The following C7orf57 variants were observed in gnomAD, a reference collection of about 807,000 sequenced individuals.
The protein encoded by C7orf57 is uncharacterized protein C7orf57.
A neutral mutation model predicts 39.0 loss-of-function variants in C7orf57; 33 were observed. The ratio of observed to expected loss-of-function variants is 0.85; its 90% CI spans 0.64 to 1.13. The LOEUF is 1.13. C7orf57 is among the 50% of genes most tolerant of loss of function. C7orf57 has a pLI of 0.00. For missense variants in C7orf57, 346 were observed against 362.3 expected, an observed-to-expected ratio of 0.95 and a Z score of 0.37; for synonymous variants, 124 against 137.1, an observed-to-expected ratio of 0.90 and a Z score of 0.67.
intron 4 of C7orf57, 151 bp from the exon 5 acceptor site, chr7:48,046,309 G>T: frequency 1.5e-6 from 1 of 645,440 alleles, no homozygotes; most frequent in East Asian, 2.9e-5. Flanking sequence ...GAGAGGGAGA[G>T]AGAGAGGAGA....
At position 48,049,029 on chromosome 7, in the gene C7orf57, C is replaced by G. The variant is rs548807324; in HGVS notation, c.508-851C>G. On this transcript the variant is annotated intron_variant, in intron 5 of 8. Coordinates refer to ENST00000348904, the MANE Select transcript of C7orf57 (RefSeq NM_001100159.3). ...AAGATGCCAGGCCCGAGTTAACCCC[C>G]CTCCGGGCTGAAAGATGTCTGCACC... Among the ~76,000 whole-genome samples the G allele has an allele frequency of 1.4e-3, 218 of 152,226 alleles. 2 individuals carry two copies. Among genetic ancestry groups the G allele is most frequent in the East Asian group, 2.1e-3 (11 of 5,178 alleles).
At chr7:48,044,748 C>T (rs756301028) in intron 4 of C7orf57, among the ~76,000 whole-genome samples, 1 of 152,122 alleles carries the variant, frequency 6.6e-6, no homozygotes, top group Non-Finnish European at 1.5e-5. Flanking sequence ...TTTCTATGTT[C>T]AATATTGAGA....
rs1251815859 is a variant in C7orf57 at position 48,043,550 on chromosome 7, A to G, written c.311A>G (p.Tyr104Cys). The change falls in exon 4 of 9, where the codon TAT becomes TGT. Residue 104 changes from tyrosine (Y) to cysteine (C), a missense_variant. Physicochemically the swap from Tyr to Cys is radical, Grantham distance 194 (BLOSUM62 -2). Transcript: ENST00000348904. ...GTGGCCTACTCCCTGCCAGACTGGT[A>G]TATCCACCACAGCAAGCCACCGACA... ...SPVAYSLPDW[Y>C]IHHSKPPTAS... 6.2e-7 allele frequency: 1 copy of G among 1,613,960 alleles called. No individual in the cohort carries two copies. The highest frequency in any genetic ancestry group is 8.5e-7 in the Non-Finnish European group (1 of 1,179,874).
At chr7:48,056,144 A>G (rs983690484) in intron 8 of C7orf57, among the ~76,000 whole-genome samples, 2 of 152,106 alleles carry the variant, frequency 1.3e-5, no homozygotes, top group African/African-American at 2.4e-5. Flanking sequence ...CATCTTTTTG[A>G]TAATAGCCAT....
intron 5 of C7orf57, 41 bp from the exon 6 acceptor site, chr7:48,049,839 G>A: frequency 6.7e-7 from 1 of 1,503,000 alleles, no homozygotes; most frequent in Non-Finnish European, 9.2e-7. Flanking sequence ...GCTGTTGAAT[G>A]CTTTCCACTA....
intron 6 of C7orf57, among the ~76,000 whole-genome samples, chr7:48,051,784 T>TTC (rs1389531978): frequency 8.8e-6 from 1 of 113,444 alleles, no homozygotes; most frequent in Admixed American, 8.7e-5. Flanking sequence ...CTTTCTTTCT[T>TTC]TCTTTCTTTC....
In C7orf57 at chr7:48,051,749, C is replaced by CTT. The variant is rs1160761305; in HGVS notation, c.606-948_606-947dup. On this transcript the variant is annotated intron_variant, in intron 6 of 8. Transcript: ENST00000348904. ...TTCTCTTTTTCTTTTCTTTCTTTTT[C>CTT]TTTTCTTTCTTTCTTTCTTTCTTTC... Among the ~76,000 whole-genome samples the CTT allele has an allele frequency of 3.9e-4, 14 of 36,170 alleles. 1 individual carries two copies. Among genetic ancestry groups the CTT allele is most frequent in the African/African-American group, 1.2e-3 (14 of 11,790 alleles). The allele number at this position is 36,170 out of a possible 152,430, so 23.7% of individuals were successfully genotyped here. A position where few individuals can be genotyped will look rare whatever the true frequency, so the allele number is the denominator to read the frequency against.
At chr7:48,046,708 G>A (rs780492915) in intron 5 of C7orf57, 92 bp downstream of exon 5, 50 of 1,393,042 alleles carry the variant, frequency 3.6e-5, no homozygotes, top group East Asian at 3.2e-4. Context: ...TGCTGGTGGC[G>A]TCTTATGTTG....
At chr7:48,056,060 C>T (rs1022008676) in intron 8 of C7orf57, among the ~76,000 whole-genome samples, 2 of 152,078 alleles carry the variant, frequency 1.3e-5, no homozygotes, top group African/African-American at 2.4e-5. Context: ...TCCATTATGG[C>T]TATTCTAATT....
intron 4 of C7orf57, 49 bp downstream of exon 4, chr7:48,043,638 A>G (rs1338757262): frequency 2.1e-6 from 3 of 1,404,802 alleles, no homozygotes; most frequent in Non-Finnish European, 3.0e-6. Context: ...ACAGGAAAAA[A>G]ATAGCCCAAT....
intron 5 of C7orf57, among the ~76,000 whole-genome samples, 175 bp downstream of exon 5, chr7:48,046,791 GTCTT>G (rs1790731606): frequency 1.3e-5 from 2 of 152,202 alleles, no homozygotes; most frequent in Non-Finnish European, 2.9e-5. Context: ...CCATACTATG[GTCTT>G]TCTTTTTCTT....
chr7:48,049,715 T>C, intron 5 of C7orf57, among the ~76,000 whole-genome samples, 165 bp from the exon 6 acceptor site: 1 of 152,234 alleles, frequency 6.6e-6, no homozygotes, highest in East Asian at 1.9e-4. Flanking sequence ...AACTATTTTG[T>C]TGAATGAGAT....
chr7:48,036,165 T>C (rs573380768), intron 1 of C7orf57, 43 bp from the exon 2 acceptor site: 6 of 811,466 alleles, frequency 7.4e-6, no homozygotes, highest in African/African-American at 1.7e-5. Context: ...GGGCGAGGCG[T>C]ACAGACCGAC....
intron 6 of C7orf57, among the ~76,000 whole-genome samples, chr7:48,051,074 T>A (rs1790859793): frequency 1.6e-4 from 24 of 152,106 alleles, no homozygotes; most frequent in Admixed American, 1.6e-3. Flanking sequence ...CAGTAGATGG[T>A]GAAAGGCTAA....
rs1790330545 is a variant in C7orf57 at position 48,035,697 on chromosome 7, G to C, written c.-102+67G>C. On this transcript the variant is annotated intron_variant, in intron 1 of 8. Coordinates refer to ENST00000348904, the MANE Select transcript of C7orf57 (RefSeq NM_001100159.3). The surrounding 1 kb of genome is among the most constrained non-coding windows in gnomAD (Gnocchi z 4.0). Reference sequence around the variant, plus strand: ...TGGTCCCGGGCCTTGTCCACTGTGCGGAGCTCGCAGTGCGGGCAGTGCGCG... The same window carrying C: ...TGGTCCCGGGCCTTGTCCACTGTGCCGAGCTCGCAGTGCGGGCAGTGCGCG... 1.7e-6 allele frequency: 1 copy of C among 596,608 alleles called. No homozygotes were observed. Among genetic ancestry groups the C allele is most frequent in the Admixed American group, 2.8e-5 (1 of 35,232 alleles). The allele number at this position is 596,608 out of a possible 1,614,324, so 37.0% of individuals were successfully genotyped here. A position where few individuals can be genotyped will look rare whatever the true frequency, so the allele number is the denominator to read the frequency against.
rs1554298381 is a variant in C7orf57, at chr7:48,037,777, G to GCA, written c.55+1414_55+1415insCA. ...TGTGTGTGTGTGTGTGTGCGCGCGCGTGCGTGTGTGTGAGGTGGTCACAAA... is the reference window on the plus strand; with the variant it reads ...TGTGTGTGTGTGTGTGTGCGCGCGCGCATGCGTGTGTGTGAGGTGGTCACAAA... On this transcript the variant is annotated intron_variant, in intron 2 of 8. Coordinates refer to ENST00000348904, the MANE Select transcript of C7orf57 (RefSeq NM_001100159.3). Among the ~76,000 whole-genome samples, 799 of 151,888 alleles carry GCA rather than the reference G, an allele frequency of 5.3e-3. 1 individual carries two copies. The highest frequency in any genetic ancestry group is 0.01 in the Middle Eastern group (3 of 292).
intron 3 of C7orf57, among the ~76,000 whole-genome samples, chr7:48,042,754 T>C (rs1790587958): frequency 6.6e-6 from 1 of 152,182 alleles, no homozygotes; most frequent in Admixed American, 6.5e-5. Flanking sequence ...TGTCTGCTAC[T>C]GCCACAGGCA....
chr7:48,044,536 C>T (rs1235743695), intron 4 of C7orf57, among the ~76,000 whole-genome samples: 1 of 152,174 alleles, frequency 6.6e-6, no homozygotes, highest in Non-Finnish European at 1.5e-5. Context: ...AGCTGAGTTA[C>T]AAGCCCCATG....
At chr7:48,046,019 C>T (rs549099446) in intron 4 of C7orf57, among the ~76,000 whole-genome samples, 11 of 152,044 alleles carry the variant, frequency 7.2e-5, no homozygotes, top group African/African-American at 1.2e-4. Context: ...TTATAAGGTA[C>T]GTTTTATAAA....
Sources: gnomAD v4.1 joint callset for allele counts (sites outside exome capture counted in the v4.1 genomes callset) on GRCh38, gnomAD v4.1.1 for gene constraint, Gnocchi (gnomAD v3.1) non-coding constraint, MANE v1.5 for transcripts, NCBI Gene and HGNC (gene_info 2026-07-23, HGNC 2026-07-21) for gene names.